MATN2: variants seen among roughly 807,000 people sequenced by gnomAD.
MATN2 encodes matrilin 2, also known as matrilin-2.
MATN2 carries 69 observed loss-of-function variants against 103.2 expected under a neutral mutation model. The observed-to-expected ratio is 0.67, with a 90% CI of 0.55 to 0.82. The LOEUF (loss-of-function observed/expected upper bound fraction) is 0.82. MATN2 is among the 40% of genes least tolerant of loss of function. The pLI, the probability that MATN2 is intolerant of heterozygous loss-of-function variation, is 0.00. For missense variants in MATN2, 1,023 were observed against 1,211.5 expected (o/e 0.84, Z 2.31); for synonymous variants, 429 against 450.2 (o/e 0.95, Z 0.60).
intron 4 of MATN2, among the ~76,000 whole-genome samples, chr8:97,943,423 CTCCTT>C (rs1810640205): frequency 6.6e-6 from 1 of 151,574 alleles, no homozygotes; most frequent in Non-Finnish European, 1.5e-5. Flanking sequence ...CCTTCTCCTT[CTCCTT>C]CTCCTTCTCC....
chr8:98,017,983 C>T lies in MATN2; in HGVS notation c.1697-11C>T. ...TGTTGAAATTGTTGTAACTTGCTCT[C>T]CTGTCTTCAGGGAAAGATGTCTGCC... On this transcript the variant is annotated splice_polypyrimidine_tract_variant and intron_variant, in intron 11 of 18. Coordinates refer to ENST00000254898, the MANE Select transcript of MATN2 (RefSeq NM_002380.5). The T allele has an allele frequency of 6.2e-7, 1 of 1,612,986 alleles. No homozygotes were observed. The highest frequency in any genetic ancestry group is 2.2e-5 in the East Asian group (1 of 44,840).
intron 7 of MATN2, among the ~76,000 whole-genome samples, chr8:98,001,702 T>C (rs1436450328): frequency 2.6e-5 from 4 of 152,162 alleles, no homozygotes; most frequent in African/African-American, 9.7e-5. Flanking sequence ...GGTCTTGAAC[T>C]CCTGGCCTCA....
intron 8 of MATN2, 41 bp downstream of exon 8, chr8:98,003,824 GT>G (rs1812867286): frequency 1.2e-6 from 2 of 1,611,662 alleles, no homozygotes; most frequent in Middle Eastern, 1.7e-4. Context: ...GGAAGGTGGG[GT>G]CCACTCATGG....
intron 5 of MATN2, 136 bp from the exon 6 acceptor site, chr8:97,978,750 A>C: frequency 2.4e-6 from 2 of 834,066 alleles, no homozygotes; most frequent in Admixed American, 4.5e-5. Flanking sequence ...CCTTGGGTTC[A>C]TAACTGTTTA....
chr8:97,998,334 C>A (rs1257503617), intron 7 of MATN2, among the ~76,000 whole-genome samples: 2 of 150,274 alleles, frequency 1.3e-5, no homozygotes, highest in Non-Finnish European at 3.0e-5. Context: ...TCCTGGCTAA[C>A]ACGGTGAAAC....
chr8:97,952,119 G>C (rs1810973122), intron 4 of MATN2: 1 of 152,208 alleles, frequency 6.6e-6, no homozygotes, highest in Admixed American at 6.5e-5. Context: ...CTTGGGTTTT[G>C]CCTGCATTTG....
At chr8:97,941,315 G>A (rs114169814) in intron 3 of MATN2, among the ~76,000 whole-genome samples, 1,742 of 151,846 alleles carry the variant, frequency 0.011, 33 homozygotes, top group African/African-American at 0.04. Flanking sequence ...AAAAATTTAC[G>A]TTACTCTTGA....
chr8:98,007,577 C>T lies in MATN2; in HGVS notation c.1549C>T (p.Arg517Cys), dbSNP rs373873113. 4.8e-5 allele frequency: 77 copies of T among 1,612,318 alleles called. 1 individual carries two copies. The highest frequency in any genetic ancestry group is 2.5e-4 in the East Asian group (11 of 44,830). The part of the protein sequence containing the change: ...ACQCPEGHVL[R>C]SDGKTCAKLD... ...TCAGTGTCCTGAGGGACACGTGCTC[C>T]GCAGCGATGGGAAGACGTGTGCAAG... Residue 517 changes from arginine (R) to cysteine (C), a missense_variant, in exon 10 of 19, where the codon CGC (arginine) becomes TGC (cysteine). Transcript: ENST00000254898. The surrounding 1 kb of genome is among the most constrained non-coding windows in gnomAD (Gnocchi z 4.2).
chr8:97,941,956 T>C, intron 4 of MATN2, 57 bp downstream of exon 4: 2 of 1,589,926 alleles, frequency 1.3e-6, no homozygotes, highest in Non-Finnish European at 8.6e-7. Flanking sequence ...ATCCTCTCCC[T>C]TCTTTTATCT....
chr8:97,921,833 A>G (rs1291422528), intron 2 of MATN2, among the ~76,000 whole-genome samples: 1 of 152,182 alleles, frequency 6.6e-6, no homozygotes, highest in African/African-American at 2.4e-5. Context: ...TTCAAGTCTC[A>G]TAAATAAAAT....
chr8:97,965,885 G>A (rs1811461926), intron 5 of MATN2, among the ~76,000 whole-genome samples: 1 of 152,174 alleles, frequency 6.6e-6, no homozygotes, highest in Non-Finnish European at 1.5e-5. Context: ...TCCAGAGGCT[G>A]AGGCAGGAGA....
At chr8:97,876,546 ACTC>A (rs1474303868) in intron 1 of MATN2, among the ~76,000 whole-genome samples, 1 of 151,236 alleles carries the variant, frequency 6.6e-6, no homozygotes, top group African/African-American at 2.4e-5. Context: ...CTGGTCTTGA[ACTC>A]CTGAGCTCAA....
rs750716138 is a variant in MATN2 at position 98,016,542 on chromosome 8, T to C, written c.1576T>C (p.Leu526=). The C allele has an allele frequency of 4.4e-6, 7 of 1,607,044 alleles. No homozygotes were observed. The highest frequency in any genetic ancestry group is 5.1e-6 in the Non-Finnish European group (6 of 1,176,286). ...LRSDGKTCAK[L]DSCALGDHGC... The stretch of plus-strand genomic sequence containing the variant: ...TCTAATTCCCATTTGATTCTCAGAA[T>C]TGGACTCTTGTGCTCTGGGGGACCA... The change falls in exon 11 of 19, where the codon TTG becomes CTG. Residue 526 remains leucine, a splice_region_variant and synonymous_variant. Coordinates refer to ENST00000254898, the MANE Select transcript of MATN2 (RefSeq NM_002380.5).
chr8:98,012,625 C>T (rs1182735116), intron 10 of MATN2, among the ~76,000 whole-genome samples: 1 of 152,144 alleles, frequency 6.6e-6, no homozygotes, highest in Admixed American at 6.5e-5. Flanking sequence ...ACATCACCCA[C>T]CTACAGCCTT....
chr8:97,964,383 A>G (rs1811416936), intron 5 of MATN2, among the ~76,000 whole-genome samples: 1 of 151,226 alleles, frequency 6.6e-6, no homozygotes, highest in Non-Finnish European at 1.5e-5. Flanking sequence ...GAACATTAAG[A>G]ACAGAGTGAT....
chr8:97,926,360 A>G (rs1809990741), intron 2 of MATN2, among the ~76,000 whole-genome samples: 1 of 152,210 alleles, frequency 6.6e-6, no homozygotes, highest in Non-Finnish European at 1.5e-5. Context: ...ATTTCCTGGA[A>G]ACATCTCTCA....
At chr8:97,997,028 T>A (rs1206955221) in intron 7 of MATN2, among the ~76,000 whole-genome samples, 1 of 152,250 alleles carries the variant, frequency 6.6e-6, no homozygotes, top group East Asian at 1.9e-4. Context: ...TTGCTCCTCA[T>A]CTGGGCACAA....
chr8:97,930,312 A>G (rs1013425147), intron 2 of MATN2, among the ~76,000 whole-genome samples: 1 of 152,244 alleles, frequency 6.6e-6, no homozygotes, highest in Non-Finnish European at 1.5e-5. Flanking sequence ...TATTCTCTGC[A>G]GTGCCCAGCC....
intron 2 of MATN2, among the ~76,000 whole-genome samples, chr8:97,890,507 A>G (rs1818592599): frequency 2.0e-5 from 3 of 151,816 alleles, no homozygotes; most frequent in Non-Finnish European, 4.4e-5. Flanking sequence ...CAATCATGAA[A>G]CCAGAAAGCA....
Sources: gnomAD v4.1 joint callset for allele counts (sites outside exome capture counted in the v4.1 genomes callset) on GRCh38, gnomAD v4.1.1 for gene constraint, Gnocchi (gnomAD v3.1) non-coding constraint, MANE v1.5 for transcripts, NCBI Gene and HGNC (gene_info 2026-07-23, HGNC 2026-07-21) for gene names.